Variants in FAM178B observed in about 807,000 individuals in gnomAD.
The protein encoded by FAM178B is family with sequence similarity 178 member B.
A neutral mutation model predicts 91.7 loss-of-function variants in FAM178B; 82 were observed. The observed-to-expected ratio is 0.89, with a 90% CI of 0.75 to 1.07. The LOEUF (loss-of-function observed/expected upper bound fraction) is 1.07. FAM178B is among the 50% of genes least tolerant of loss of function. The probability of loss-of-function intolerance (pLI) is 0.00; values close to 1 mark genes in which losing one functional copy is unlikely to be tolerated. For synonymous variants in FAM178B, 368 were observed against 359.4 expected (o/e 1.02, Z -0.27); for missense variants, 769 against 846.7 (o/e 0.91, Z 1.14).
chr2:96,925,062 G>A (rs2081412151), intron 9 of FAM178B, among the ~76,000 whole-genome samples: 1 of 152,110 alleles, frequency 6.6e-6, no homozygotes, highest in South Asian at 2.1e-4. Context: ...AATGGGTAAG[G>A]CTGGCATTTG....
chr2:96,882,304 G>A (rs1252344545), intron 14 of FAM178B, among the ~76,000 whole-genome samples: 1 of 152,238 alleles, frequency 6.6e-6, no homozygotes, highest in Non-Finnish European at 1.5e-5. Flanking sequence ...TAAACCGCCA[G>A]CGGCTGTGGA....
intron 8 of FAM178B, among the ~76,000 whole-genome samples, chr2:96,930,331 A>G (rs936959595): frequency 1.3e-5 from 2 of 150,414 alleles, no homozygotes; most frequent in South Asian, 4.2e-4. Flanking sequence ...GGACATTTTT[A>G]TAAGTGGGAG....
intron 14 of FAM178B, among the ~76,000 whole-genome samples, chr2:96,891,034 C>T (rs1469421456): frequency 6.6e-6 from 1 of 152,186 alleles, no homozygotes; most frequent in African/African-American, 2.4e-5. Flanking sequence ...GCTCACTAAG[C>T]GGGATAGTCC....
At chr2:96,967,871 A>G (rs115882068) in intron 4 of FAM178B, among the ~76,000 whole-genome samples, 2 of 142,118 alleles carry the variant, frequency 1.4e-5, no homozygotes, top group Non-Finnish European at 3.0e-5. Flanking sequence ...TTCTCACCAC[A>G]CAACTTCCAA....
At chr2:96,891,536 C>A (rs963305081) in intron 14 of FAM178B, among the ~76,000 whole-genome samples, 1 of 143,344 alleles carries the variant, frequency 7.0e-6, no homozygotes, top group Non-Finnish European at 1.5e-5. Flanking sequence ...TCACCTAGTG[C>A]CAAATGTGGG....
Position 96,972,081 on chromosome 2 carries a change from C to T in FAM178B, c.384G>A (p.Glu128=). 6.5e-7 allele frequency: 1 copy of T among 1,536,486 alleles called. No homozygotes were observed. Among genetic ancestry groups the T allele is most frequent in the Non-Finnish European group, 8.8e-7 (1 of 1,140,212 alleles). Residue 128 remains glutamate (E), a synonymous_variant, in exon 3 of 17, where the codon GAG becomes GAA. Transcript: ENST00000490605. ...CACCCACCCACCTCTGGGCCGGGGC[C>T]TCCCGACTGGCCTGCAGCACCCTCG... ...LNPRVLQASR[E]APAQRWVGVV...
At chr2:96,954,078 G>A (rs928348812) in intron 6 of FAM178B, among the ~76,000 whole-genome samples, 1 of 152,200 alleles carries the variant, frequency 6.6e-6, no homozygotes, top group Non-Finnish European at 1.5e-5. Context: ...CTCTGTCCAC[G>A]GCCAAGCCAA....
chr2:96,943,838 CA>C (rs1173997156), intron 8 of FAM178B, among the ~76,000 whole-genome samples: 1 of 152,146 alleles, frequency 6.6e-6, no homozygotes, highest in African/African-American at 2.4e-5. Flanking sequence ...ATACTCCGCC[CA>C]AAGGCTGCAG....
chr2:96,980,772 C>T (rs1447996352), intron 1 of FAM178B, among the ~76,000 whole-genome samples: 1 of 152,012 alleles, frequency 6.6e-6, no homozygotes, highest in Non-Finnish European at 1.5e-5. Context: ...GGAGTCCTGA[C>T]CTAGATATCT....
chr2:96,905,362 A>G (rs1298065632), intron 12 of FAM178B, among the ~76,000 whole-genome samples: 1 of 152,036 alleles, frequency 6.6e-6, no homozygotes, highest in Admixed American at 6.6e-5. Flanking sequence ...ATTCAAGACC[A>G]GCTGGGCCAA....
Position 96,929,264 on chromosome 2 carries a change from T to C in FAM178B, c.1135A>G (p.Ser379Gly). Reference sequence around the variant, plus strand: ...AGGGCAGGACTGTGGGCACCCAGGCTGTGGAATGCCTCCCTGACTTCTTGC... The same window carrying C: ...AGGGCAGGACTGTGGGCACCCAGGCCGTGGAATGCCTCCCTGACTTCTTGC... Reference protein sequence around the residue: ...SLQEVREAFHSLGAHSPALYP... With the variant: ...SLQEVREAFHGLGAHSPALYP... The change falls in exon 9 of 17, where the codon AGC becomes GGC. Residue 379 changes from serine to glycine, a missense_variant. Ser to Gly is a moderately conservative substitution (Grantham distance 56). Coordinates refer to ENST00000490605, the MANE Select transcript of FAM178B (RefSeq NM_001122646.3). 2 of 1,551,700 alleles carry C rather than the reference T, an allele frequency of 1.3e-6. No individual in the cohort carries two copies. Among genetic ancestry groups the C allele is most frequent in the Non-Finnish European group, 8.7e-7 (1 of 1,146,974 alleles).
At chr2:96,982,122 C>G (rs958683416) in intron 1 of FAM178B, among the ~76,000 whole-genome samples, 1 of 152,078 alleles carries the variant, frequency 6.6e-6, no homozygotes, top group Non-Finnish European at 1.5e-5. Flanking sequence ...TTTTCATATG[C>G]CAGCTTTGAG....
chr2:96,915,805 G>GAAAAA (rs202238347), intron 12 of FAM178B, among the ~76,000 whole-genome samples: 1 of 134,910 alleles, frequency 7.4e-6, no homozygotes, highest in African/African-American at 2.7e-5. Flanking sequence ...GACAGAGTGG[G>GAAAAA]AAAAAAAAAA....
chr2:96,932,192 G>A (rs1166963408), intron 8 of FAM178B, among the ~76,000 whole-genome samples: 1 of 152,128 alleles, frequency 6.6e-6, no homozygotes. Context: ...AGCCCACACA[G>A]AGGCATCTTC....
In FAM178B at chr2:96,902,705, C is replaced by T. The variant is rs1195704860; in HGVS notation, c.1565G>A (p.Arg522Gln). 7.1e-6 allele frequency: 11 copies of T among 1,549,994 alleles called. No individual in the cohort carries two copies. In the Admixed American group the frequency reaches 7.8e-5, roughly 11 times the overall value. ...FFPDMTSRSRRLRSQLSLVVI... is the reference protein window; with the variant it reads ...FFPDMTSRSRQLRSQLSLVVI... Reference sequence around the variant, plus strand: ...CACAAGGCTGAGCTGGCTTCGAAGCCGCCTGGGGGAAAAGCGACAGCCTGA... The same window carrying T: ...CACAAGGCTGAGCTGGCTTCGAAGCTGCCTGGGGGAAAAGCGACAGCCTGA... The change falls in exon 13 of 17, where the codon CGG (arginine) becomes CAG (glutamine). Residue 522 changes from arginine (R) to glutamine (Q), a missense_variant and splice_region_variant. Physicochemically the swap from Arg to Gln is conservative, Grantham distance 43 (BLOSUM62 1). Transcript: ENST00000490605.
chr2:96,909,587 C>T (rs1287209319), intron 12 of FAM178B, among the ~76,000 whole-genome samples: 1 of 152,224 alleles, frequency 6.6e-6, no homozygotes, highest in Non-Finnish European at 1.5e-5. Flanking sequence ...TCAAGTGCGA[C>T]ACTCGGAGTT....
rs773207054 is a variant in FAM178B at position 96,960,433 on chromosome 2, C to T, written c.742G>A (p.Val248Met). Residue 248 changes from valine (V) to methionine (M), a missense_variant, in exon 6 of 17, where the codon GTG (valine) becomes ATG (methionine). Coordinates refer to ENST00000490605, the MANE Select transcript of FAM178B (RefSeq NM_001122646.3). ...TGCAGGGACACTGAGTACTTTTCCA[C>T]CAGCATCCTGGCAAGGCAAGGGGCA... ...VPLTPEHRML[V>M]EKYSVSLQTI... 15 of 1,542,158 alleles carry T rather than the reference C, an allele frequency of 9.7e-6. No individual in the cohort carries two copies. The South Asian group carries it at 1.4e-4, about 15-fold the overall frequency.
chr2:96,975,653 C>T (rs2082279066), intron 1 of FAM178B, among the ~76,000 whole-genome samples: 1 of 152,140 alleles, frequency 6.6e-6, no homozygotes, highest in South Asian at 2.1e-4. Context: ...CAACACTAAG[C>T]CTAATTTCTT....
chr2:96,876,910 G>A (rs1222708955), intron 16 of FAM178B, among the ~76,000 whole-genome samples: 2 of 152,142 alleles, frequency 1.3e-5, no homozygotes, highest in Non-Finnish European at 2.9e-5. Flanking sequence ...CACAGGGGCT[G>A]AAGTTGGTTA....
Sources: allele counts gnomAD v4.1 joint callset (sites outside exome capture counted in the v4.1 genomes callset), GRCh38; gene constraint gnomAD v4.1.1; transcripts MANE v1.5; gene names NCBI Gene and HGNC (gene_info 2026-07-23, HGNC 2026-07-21).